SEMA6D: variants seen among roughly 807,000 people sequenced by gnomAD.
The protein encoded by SEMA6D is semaphorin 6D, also known as semaphorin-6D.
SEMA6D carries 35 observed loss-of-function variants against 106.6 expected under a neutral mutation model. That is an observed-to-expected ratio of 0.33 (90% CI 0.25 to 0.44). The LOEUF (loss-of-function observed/expected upper bound fraction) is 0.44. Ranked by LOEUF, SEMA6D falls within the 20% of genes least tolerant of loss-of-function variation. The probability of loss-of-function intolerance (pLI) is 1.00; values close to 1 mark genes in which losing one functional copy is unlikely to be tolerated. For synonymous variants in SEMA6D, 499 were observed against 487.7 expected (o/e 1.02, Z -0.31); for missense variants, 1,185 against 1,345.9 (o/e 0.88, Z 1.87).
chr15:47,689,296 C>G (rs1306523785), intron 4 of SEMA6D, among the ~76,000 whole-genome samples: 1 of 152,168 alleles, frequency 6.6e-6, no homozygotes, highest in East Asian at 1.9e-4. Flanking sequence ...ATAACCTGTT[C>G]AGAAAATGCT....
intron 3 of SEMA6D, among the ~76,000 whole-genome samples, chr15:47,514,665 C>G (rs994487986): frequency 5.3e-5 from 8 of 152,100 alleles, no homozygotes; most frequent in Non-Finnish European, 1.2e-4. Context: ...CTTTCTTGAC[C>G]CAAGTCCTCC....
chr15:47,390,340 T>C (rs1229233174), intron 1 of SEMA6D, among the ~76,000 whole-genome samples: 1 of 152,174 alleles, frequency 6.6e-6, no homozygotes, highest in African/African-American at 2.4e-5. Context: ...TTAAGTCCCC[T>C]TAACTAAAGA....
intron 3 of SEMA6D, among the ~76,000 whole-genome samples, chr15:47,575,161 G>A (rs1405490461): frequency 2.0e-5 from 3 of 152,282 alleles, no homozygotes; most frequent in African/African-American, 4.8e-5. Context: ...CAAATTAATC[G>A]CATCAATTAT....
At chr15:47,395,145 A>G (rs1302247922) in intron 1 of SEMA6D, among the ~76,000 whole-genome samples, 2 of 152,198 alleles carry the variant, frequency 1.3e-5, no homozygotes, top group Non-Finnish European at 2.9e-5. Context: ...GCAGAAAACT[A>G]AAAAAGACAA....
intron 2 of SEMA6D, among the ~76,000 whole-genome samples, chr15:47,419,774 G>A (rs2041092445): frequency 6.6e-6 from 1 of 152,138 alleles, no homozygotes; most frequent in Non-Finnish European, 1.5e-5. Flanking sequence ...TTGACCTCAA[G>A]TCCCAGAGGA....
chr15:47,599,514 A>G (rs182872141), intron 3 of SEMA6D, among the ~76,000 whole-genome samples: 2 of 152,008 alleles, frequency 1.3e-5, no homozygotes, highest in East Asian at 3.9e-4. Context: ...GGTTCACTGT[A>G]TAAACTATCC....
At chr15:47,264,833 A>ATTT (rs2034243629) in intron 1 of SEMA6D, among the ~76,000 whole-genome samples, 1 of 151,966 alleles carries the variant, frequency 6.6e-6, no homozygotes, top group South Asian at 2.1e-4. Context: ...AAAGTATTGG[A>ATTT]TTTTGTTAAA....
intron 1 of SEMA6D, among the ~76,000 whole-genome samples, chr15:47,210,224 A>G (rs1402612345): frequency 6.6e-6 from 1 of 152,158 alleles, no homozygotes; most frequent in Middle Eastern, 3.2e-3. Context: ...GGGTTCAAAT[A>G]ATAATTCATC....
intron 3 of SEMA6D, among the ~76,000 whole-genome samples, chr15:47,530,459 A>G (rs1358928257): frequency 1.3e-5 from 2 of 152,208 alleles, no homozygotes; most frequent in African/African-American, 4.8e-5. Context: ...TATATAAAAG[A>G]CCATTGTCAT....
chr15:47,741,315 A>C (rs547436514), intron 1 of SEMA6D, among the ~76,000 whole-genome samples: 1 of 152,328 alleles, frequency 6.6e-6, no homozygotes, highest in East Asian at 1.9e-4. Context: ...TCTTAGCATA[A>C]TGCCTGGTGC....
intron 1 of SEMA6D, among the ~76,000 whole-genome samples, chr15:47,281,880 A>G (rs1374131035): frequency 1.3e-5 from 2 of 152,128 alleles, no homozygotes; most frequent in Non-Finnish European, 2.9e-5. Flanking sequence ...CTAAATATAG[A>G]TATTTTTATC....
At chr15:47,484,768 A>G (rs79160377) in intron 3 of SEMA6D, among the ~76,000 whole-genome samples, 16 of 140,290 alleles carry the variant, frequency 1.1e-4, no homozygotes, top group African/African-American at 3.0e-4. Context: ...CCTGTTTTCA[A>G]TTCTGTTTCT....
At chr15:47,503,507 C>A (rs1435141322) in intron 3 of SEMA6D, among the ~76,000 whole-genome samples, 1 of 152,170 alleles carries the variant, frequency 6.6e-6, no homozygotes, top group Non-Finnish European at 1.5e-5. Flanking sequence ...TAAAATGGGA[C>A]TGGTAAGTAA....
intron 1 of SEMA6D, among the ~76,000 whole-genome samples, chr15:47,239,831 A>C (rs750588745): frequency 3.3e-5 from 5 of 152,156 alleles, no homozygotes; most frequent in African/African-American, 4.8e-5. Context: ...TCAAGGACTT[A>C]GTTCCTGTCT....
rs1268712039 is a variant in SEMA6D at position 47,772,957 on chromosome 15, A to G, written c.*1172A>G. ...TAACAGAAACAGTCTGTAAAAACCT[A>G]ACAGTGGTGCAATCATGTTGTCTGT... is the stretch of plus-strand genomic sequence containing the variant. On this transcript the variant is annotated 3_prime_UTR_variant, in exon 19 of 19. Transcript: ENST00000536845. The G allele has an allele frequency of 1.3e-5, 2 of 152,562 alleles. No homozygotes were observed. The highest frequency in any genetic ancestry group is 1.3e-4 in the Admixed American group (2 of 15,276). The allele number at this position is 152,562 out of a possible 1,614,324, so 9.5% of individuals were successfully genotyped here. A position where few individuals can be genotyped will look rare whatever the true frequency, so the allele number is the denominator to read the frequency against.
chr15:47,538,259 T>C (rs1210891632), intron 3 of SEMA6D, among the ~76,000 whole-genome samples: 1 of 152,210 alleles, frequency 6.6e-6, no homozygotes, highest in African/African-American at 2.4e-5. Context: ...CCTCATATTA[T>C]ATTCTTCACA....
At chr15:47,720,588 CTG>C (rs1337787769) in intron 1 of SEMA6D, among the ~76,000 whole-genome samples, 1 of 152,178 alleles carries the variant, frequency 6.6e-6, no homozygotes, top group East Asian at 1.9e-4. Flanking sequence ...TGTCCAGTAA[CTG>C]TGACTGGGGT....
chr15:47,375,284 C>G (rs1215051932), intron 1 of SEMA6D, among the ~76,000 whole-genome samples: 2 of 152,150 alleles, frequency 1.3e-5, no homozygotes, highest in Non-Finnish European at 2.9e-5. Flanking sequence ...TGTTGAACAA[C>G]TACGATCTTG....
intron 4 of SEMA6D, among the ~76,000 whole-genome samples, chr15:47,674,186 T>C (rs1391973029): frequency 6.6e-6 from 1 of 152,206 alleles, no homozygotes; most frequent in Non-Finnish European, 1.5e-5. Flanking sequence ...GAGAATATGC[T>C]GTTGGCAACA....
Sources: gnomAD v4.1 joint callset for allele counts (sites outside exome capture counted in the v4.1 genomes callset) on GRCh38, gnomAD v4.1.1 for gene constraint, MANE v1.5 for transcripts, NCBI Gene and HGNC (gene_info 2026-07-23, HGNC 2026-07-21) for gene names.